PIK3R5: variants seen among roughly 807,000 people sequenced by gnomAD.
PIK3R5 encodes the protein phosphoinositide 3-kinase regulatory subunit 5.
PIK3R5 carries 32 observed loss-of-function variants against 94.9 expected under a neutral mutation model. The ratio of observed to expected loss-of-function variants is 0.34; its 90% CI spans 0.25 to 0.45. PIK3R5 has a LOEUF of 0.45. PIK3R5 is among the 20% of genes least tolerant of loss of function. The pLI, the probability that PIK3R5 is intolerant of heterozygous loss-of-function variation, is 1.00. For synonymous variants in PIK3R5, 443 were observed against 479.4 expected (o/e 0.92, Z 0.99); for missense variants, 853 against 1,144.6 (o/e 0.75, Z 3.68).
chr17:8,920,150 C>T (rs2090710468), intron 1 of PIK3R5, among the ~76,000 whole-genome samples: 1 of 152,122 alleles, frequency 6.6e-6, no homozygotes, highest in African/African-American at 2.4e-5. Context: ...TCCCAAAGTG[C>T]TGGGATTACA....
At chr17:8,947,606 G>A (rs2091297484) in intron 1 of PIK3R5, among the ~76,000 whole-genome samples, 1 of 152,212 alleles carries the variant, frequency 6.6e-6, no homozygotes, top group Admixed American at 6.5e-5. Context: ...AGGCAAGTCA[G>A]AGAGTGTCAC....
At position 8,889,244 on chromosome 17, in the gene PIK3R5, G is replaced by A. The variant is rs755256708; in HGVS notation, c.812-22C>T. On this transcript the variant is annotated intron_variant, in intron 8 of 18. Transcript: ENST00000447110. This position sits in a 1 kb window ranked among gnomAD's most constrained non-coding sequence, Gnocchi z 4.1. The stretch of plus-strand genomic sequence containing the variant: ...GTGTCTGTAAGAACAGGGAGGATAG[G>A]AGAAGAGGGCTGGGAAGAGGCCTTG... 4.4e-6 allele frequency: 7 copies of A among 1,595,014 alleles called. No individual in the cohort carries two copies. The highest frequency in any genetic ancestry group is 1.3e-5 in the African/African-American group (1 of 74,284).
chr17:8,881,971 G>C lies in PIK3R5; in HGVS notation c.2206-90C>G. The stretch of plus-strand genomic sequence containing the variant: ...GAAGGCCCATCAGTGACAGGGGGTT[G>C]CCTCTAGTTAGCATATCCCCAGAAA... On this transcript the variant is annotated intron_variant, in intron 15 of 18. Coordinates refer to ENST00000447110, the MANE Select transcript of PIK3R5 (RefSeq NM_001142633.3). This position sits in a 1 kb window ranked among gnomAD's most constrained non-coding sequence, Gnocchi z 4.8. The C allele has an allele frequency of 1.0e-6, 1 of 982,426 alleles. No individual in the cohort carries two copies. The highest frequency in any genetic ancestry group is 1.6e-6 in the Non-Finnish European group (1 of 629,710). 60.9% of individuals were successfully genotyped at this position (982,426 alleles called of 1,614,324 possible).
At chr17:8,936,143 A>T (rs2091072432) in intron 1 of PIK3R5, among the ~76,000 whole-genome samples, 1 of 152,114 alleles carries the variant, frequency 6.6e-6, no homozygotes, top group Non-Finnish European at 1.5e-5. Context: ...TAGAAATATT[A>T]AAGTACAGAG....
Position 8,893,479 on chromosome 17 carries a change from G to C in PIK3R5, c.482+107C>G, listed in dbSNP as rs982487793. ...GTTTGTTGCTGGCTGGGGTGGACAGGGGGTGGGGGCACTGGATGTTTGAGT... is the reference window on the plus strand; with the variant it reads ...GTTTGTTGCTGGCTGGGGTGGACAGCGGGTGGGGGCACTGGATGTTTGAGT... On this transcript the variant is annotated intron_variant, in intron 6 of 18. Coordinates refer to ENST00000447110, the MANE Select transcript of PIK3R5 (RefSeq NM_001142633.3). The surrounding 1 kb of genome is among the most constrained non-coding windows in gnomAD (Gnocchi z 5.1). The C allele has an allele frequency of 5.8e-6, 5 of 866,440 alleles. No homozygotes were observed. The highest frequency in any genetic ancestry group is 5.7e-5 in the South Asian group (4 of 70,314). The allele number at this position is 866,440 out of a possible 1,614,324, so 53.7% of individuals were successfully genotyped here.
intron 1 of PIK3R5, among the ~76,000 whole-genome samples, chr17:8,915,162 T>C (rs1197939433): frequency 1.3e-5 from 2 of 152,096 alleles, no homozygotes; most frequent in African/African-American, 4.8e-5. Context: ...GCTAGGCATG[T>C]CTGTAATCCC....
intron 5 of PIK3R5, among the ~76,000 whole-genome samples, chr17:8,902,783 T>C (rs2090315292): frequency 6.6e-6 from 1 of 152,112 alleles, no homozygotes; most frequent in South Asian, 2.1e-4. Flanking sequence ...CCTAAACCTT[T>C]AATGTATCTA....
At chr17:8,902,324 T>C (rs410141) in intron 5 of PIK3R5, among the ~76,000 whole-genome samples, 64,218 of 147,248 alleles carry the variant, frequency 0.44, 14,643 homozygotes, top group African/African-American at 0.55. Flanking sequence ...GGCACGATCT[T>C]GACTCACTGC....
intron 1 of PIK3R5, among the ~76,000 whole-genome samples, chr17:8,913,429 G>A (rs954662707): frequency 3.3e-5 from 5 of 152,212 alleles, no homozygotes; most frequent in Non-Finnish European, 4.4e-5. Context: ...ACGGGTGGCT[G>A]GGTGCGGTGG....
intron 5 of PIK3R5, among the ~76,000 whole-genome samples, chr17:8,897,363 T>C (rs1333656646): frequency 2.0e-5 from 3 of 152,080 alleles, no homozygotes; most frequent in Non-Finnish European, 2.9e-5. Flanking sequence ...GCAGAGGAGA[T>C]GTGAGTTCTT....
chr17:8,910,521 T>C (rs1406052549), intron 2 of PIK3R5, among the ~76,000 whole-genome samples: 1 of 152,174 alleles, frequency 6.6e-6, no homozygotes, highest in Non-Finnish European at 1.5e-5. Context: ...GGTTCCATTG[T>C]TATTATTCCC....
chr17:8,908,997 G>A (rs1294834399), intron 3 of PIK3R5, 77 bp downstream of exon 3: 1 of 888,150 alleles, frequency 1.1e-6, no homozygotes, highest in Non-Finnish European at 1.8e-6. Context: ...ACCCAGGAAT[G>A]ATGTTCTCTG....
intron 5 of PIK3R5, among the ~76,000 whole-genome samples, chr17:8,899,824 G>A (rs1597387163): frequency 6.6e-6 from 1 of 152,168 alleles, no homozygotes; most frequent in African/African-American, 2.4e-5. Context: ...CGGCTCACAA[G>A]GTTAGGAGTT....
intron 1 of PIK3R5, among the ~76,000 whole-genome samples, chr17:8,932,345 TG>T (rs779007689): frequency 6.6e-5 from 10 of 152,050 alleles, no homozygotes; most frequent in Non-Finnish European, 1.5e-4. Context: ...GCAATTCTCC[TG>T]GCCTCAGCCT....
At chr17:8,942,694 C>T (rs938871159) in intron 1 of PIK3R5, among the ~76,000 whole-genome samples, 1 of 152,050 alleles carries the variant, frequency 6.6e-6, no homozygotes, top group South Asian at 2.1e-4. Flanking sequence ...CAAGCTCCGC[C>T]TCCCGGGTTC....
At chr17:8,923,505 G>A (rs1162981481) in intron 1 of PIK3R5, among the ~76,000 whole-genome samples, 1 of 152,174 alleles carries the variant, frequency 6.6e-6, no homozygotes. Context: ...TATGCTGTAG[G>A]CAATTTAGCT....
intron 1 of PIK3R5, among the ~76,000 whole-genome samples, chr17:8,948,754 C>T (rs927680039): frequency 3.3e-5 from 5 of 152,192 alleles, no homozygotes; most frequent in African/African-American, 9.6e-5. Flanking sequence ...GTGGAAGATG[C>T]TCTATCAGAC....
At chr17:8,960,888 G>A (rs2151485110) in intron 1 of PIK3R5, among the ~76,000 whole-genome samples, 1 of 144,074 alleles carries the variant, frequency 6.9e-6, no homozygotes, top group African/African-American at 2.6e-5. Flanking sequence ...AACTTCTGCT[G>A]TTGCTGTGCA....
At position 8,909,039 on chromosome 17, in the gene PIK3R5, C is replaced by T. The variant is rs1242034790; in HGVS notation, c.204+35G>A. The T allele has an allele frequency of 3.7e-6, 5 of 1,342,380 alleles. No individual in the cohort carries two copies. The South Asian group carries it at 6.1e-5, about 16-fold the overall frequency. The allele number at this position is 1,342,380 out of a possible 1,614,324, so 83.2% of individuals were successfully genotyped here. On this transcript the variant is annotated intron_variant, in intron 3 of 18. Coordinates refer to ENST00000447110, the MANE Select transcript of PIK3R5 (RefSeq NM_001142633.3). The surrounding 1 kb of genome is among the most constrained non-coding windows in gnomAD (Gnocchi z 4.3). ...ATTTCTCCACTCTACGAGGCCGACC[C>T]CAGATCTGCCCTTCAATTCCTGACT...
Sources: allele counts gnomAD v4.1 joint callset (sites outside exome capture counted in the v4.1 genomes callset), GRCh38; gene constraint gnomAD v4.1.1; non-coding constraint Gnocchi (gnomAD v3.1); transcripts MANE v1.5; gene names NCBI Gene and HGNC (gene_info 2026-07-23, HGNC 2026-07-21).